The following VWF variants were observed in gnomAD, a reference collection of about 807,000 sequenced individuals.
The protein encoded by VWF is Factor VIII related antigen.
In VWF, 176 loss-of-function variants were observed where a neutral mutation model predicts 308.6. The ratio of observed to expected loss-of-function variants is 0.57; its 90% CI spans 0.50 to 0.65. The LOEUF (loss-of-function observed/expected upper bound fraction) is 0.65. Among genes scored for constraint, VWF ranks in the 30% least tolerant of loss-of-function variants. VWF has a pLI of 0.00. For missense variants in VWF, 3,146 were observed against 3,648.2 expected (o/e 0.86, Z 3.55); for synonymous variants, 1,385 against 1,443.4 (o/e 0.96, Z 0.92).
chr12:6,085,403 C>T (rs1349650933), intron 6 of VWF, among the ~76,000 whole-genome samples: 1 of 152,186 alleles, frequency 6.6e-6, no homozygotes, highest in East Asian at 1.9e-4. Context: ...TGTCTTGTCC[C>T]TTAGTCTACG....
At chr12:6,023,845 C>T in intron 24 of VWF, 58 bp from the exon 25 acceptor site, 1 of 1,593,328 alleles carries the variant, frequency 6.3e-7, no homozygotes, top group Non-Finnish European at 8.6e-7. Context: ...AACTCTGGCT[C>T]TTAGTCTGGG....
At chr12:6,083,063 G>A (rs900335161) in intron 6 of VWF, among the ~76,000 whole-genome samples, 1 of 152,142 alleles carries the variant, frequency 6.6e-6, no homozygotes, top group Non-Finnish European at 1.5e-5. Context: ...AGGCTGGAGT[G>A]CAATGGCGTG....
At chr12:6,072,102 C>A (rs1944788168) in intron 9 of VWF, among the ~76,000 whole-genome samples, 1 of 152,118 alleles carries the variant, frequency 6.6e-6, no homozygotes, top group Non-Finnish European at 1.5e-5. Flanking sequence ...AGGATCCTGC[C>A]CTTCCTGACC....
At chr12:6,027,823 A>C (rs1944211539) in intron 22 of VWF, among the ~76,000 whole-genome samples, 1 of 147,522 alleles carries the variant, frequency 6.8e-6, no homozygotes, top group Admixed American at 6.9e-5. Context: ...TAGCAGCAAT[A>C]AAAAAACAAA....
At chr12:6,001,993 G>A (rs1943877689) in intron 34 of VWF, among the ~76,000 whole-genome samples, 1 of 151,802 alleles carries the variant, frequency 6.6e-6, no homozygotes, top group African/African-American at 2.4e-5. Context: ...GGGTGAAAGG[G>A]ACAATAAAAA....
At position 5,985,650 on chromosome 12, in the gene VWF, C is replaced by T. The variant is rs772864135; in HGVS notation, c.6814G>A (p.Val2272Ile). Residue 2272 changes from valine (V) to isoleucine (I), a missense_variant, in exon 39 of 52, where the codon GTC (valine) becomes ATC (isoleucine). By Grantham distance (29) the Val-to-Ile change is conservative (BLOSUM62 3). Transcript: ENST00000261405. ...ATCTGACAGGGCTGGTGGTCCGGGA[C>T]CCAGGCTTCCAGGAACTGAGGGCAA... ...GVQHQFLEAW[V>I]PDHQPCQICT... 4 of 1,614,094 alleles carry T rather than the reference C, an allele frequency of 2.5e-6. No homozygotes were observed. Among genetic ancestry groups the T allele is most frequent in the Non-Finnish European group, 3.4e-6 (4 of 1,180,018 alleles).
At chr12:6,038,413 A>G (rs1271299920) in intron 18 of VWF, among the ~76,000 whole-genome samples, 1 of 152,254 alleles carries the variant, frequency 6.6e-6, no homozygotes, top group African/African-American at 2.4e-5. Context: ...CCTCAGCAGC[A>G]CATGTTGCCC....
chr12:6,045,883 C>G (rs1311725091), intron 17 of VWF, among the ~76,000 whole-genome samples: 1 of 152,136 alleles, frequency 6.6e-6, no homozygotes, highest in African/African-American at 2.4e-5. Context: ...AATGTGAAAC[C>G]CCCAGTACCA....
intron 5 of VWF, among the ~76,000 whole-genome samples, chr12:6,099,215 G>A (rs970082236): frequency 6.6e-6 from 1 of 151,428 alleles, no homozygotes; most frequent in African/African-American, 2.4e-5. Flanking sequence ...AGCTACTCAG[G>A]AGGCTGAGGC....
At chr12:5,967,684 C>T (rs1713861783) in intron 46 of VWF, 82 bp from the exon 47 acceptor site, 2 of 1,251,546 alleles carry the variant, frequency 1.6e-6, no homozygotes, top group Non-Finnish European at 2.3e-6. Context: ...TGTCTCCTGC[C>T]CACCCACCCA....
rs115020931 is a variant in VWF at position 6,013,313 on chromosome 12, T to A, written c.5620+168A>T. ...CCCATGGGGGCTTGTGGTATACACC[T>A]CCCATGAACAGAAACTTAAAGGTCC... is the stretch of plus-strand genomic sequence containing the variant. On this transcript the variant is annotated intron_variant, in intron 32 of 51. Coordinates refer to ENST00000261405, the MANE Select transcript of VWF (RefSeq NM_000552.5). 5.2e-3 allele frequency among the ~76,000 whole-genome samples: 798 copies of A among 152,330 alleles called. 8 individuals carry two copies. Among genetic ancestry groups the A allele is most frequent in the African/African-American group, 0.017 (701 of 41,572 alleles).
In VWF at chr12:6,023,763, C is replaced by T; in HGVS notation, c.3247G>A (p.Val1083Ile). ...KLVDPEPYLD[V>I]CIYDTCSCES... The stretch of plus-strand genomic sequence containing the variant: ...CAGGAGCAGGTGTCGTAAATGCAGA[C>T]ATCCAGATATGGCTCGGGGTCCACC... Residue 1083 changes from valine to isoleucine, a missense_variant, in exon 25 of 52, where the codon GTC becomes ATC. Transcript: ENST00000261405. The T allele has an allele frequency of 6.2e-7, 1 of 1,612,670 alleles. No homozygotes were observed. The highest frequency in any genetic ancestry group is 8.5e-7 in the Non-Finnish European group (1 of 1,180,008).
At chr12:6,101,475 G>A (rs2136508006) in intron 5 of VWF, among the ~76,000 whole-genome samples, 1 of 152,210 alleles carries the variant, frequency 6.6e-6, no homozygotes, top group South Asian at 2.1e-4. Flanking sequence ...ATTAAAAAAG[G>A]GATGAAATAA....
chr12:6,112,312 C>A (rs947842925), intron 3 of VWF, among the ~76,000 whole-genome samples: 6 of 152,120 alleles, frequency 3.9e-5, no homozygotes, highest in African/African-American at 1.4e-4. Context: ...ACAGCGTGAC[C>A]AAAGCTTAGC....
intron 3 of VWF, among the ~76,000 whole-genome samples, chr12:6,115,750 G>A (rs900954008): frequency 1.3e-5 from 2 of 152,246 alleles, no homozygotes; most frequent in Admixed American, 1.3e-4. Context: ...TGTGCATGGT[G>A]GGAGAACCAG....
At chr12:6,103,538 A>G (rs1463841752) in intron 5 of VWF, among the ~76,000 whole-genome samples, 4 of 109,724 alleles carry the variant, frequency 3.6e-5, no homozygotes, top group Non-Finnish European at 5.4e-5. Context: ...ATATACACAT[A>G]TATGTATACA....
At chr12:6,038,932 T>C (rs1944367560) in intron 18 of VWF, among the ~76,000 whole-genome samples, 1 of 151,744 alleles carries the variant, frequency 6.6e-6, no homozygotes, top group African/African-American at 2.4e-5. Flanking sequence ...ACCCAGAGAA[T>C]CCCAAAGTGG....
intron 31 of VWF, among the ~76,000 whole-genome samples, chr12:6,015,457 G>T (rs1248175983): frequency 6.6e-6 from 1 of 151,780 alleles, no homozygotes; most frequent in Non-Finnish European, 1.5e-5. Context: ...AGTTCTCCAG[G>T]TGGCCACGAG....
chr12:5,955,014 C>CCA (rs145581063), intron 47 of VWF, among the ~76,000 whole-genome samples: 4,656 of 152,206 alleles, frequency 0.031, 231 homozygotes, highest in African/African-American at 0.11. Flanking sequence ...AATAATCTAA[C>CCA]CACATTCTAG....
Sources: allele counts gnomAD v4.1 joint callset (sites outside exome capture counted in the v4.1 genomes callset), GRCh38; gene constraint gnomAD v4.1.1; transcripts MANE v1.5; gene names NCBI Gene and HGNC (gene_info 2026-07-23, HGNC 2026-07-21).